PFKM: variants seen among roughly 807,000 people sequenced by gnomAD.
PFKM encodes phosphofructokinase, muscle, also known as ATP-dependent 6-phosphofructokinase, muscle type.
Under a neutral mutation model 95.5 loss-of-function variants are expected in PFKM, and 58 were observed. That is an observed-to-expected ratio of 0.61 (90% CI 0.49 to 0.76). The LOEUF (loss-of-function observed/expected upper bound fraction) is 0.76, where lower values mean the gene tolerates loss of function less well. PFKM is among the 30% of genes least tolerant of loss of function. PFKM has a pLI of 0.00. For synonymous variants in PFKM, 336 were observed against 357.2 expected, an observed-to-expected ratio of 0.94 and a Z score of 0.67; for missense variants, 678 against 1,005.4, an observed-to-expected ratio of 0.67 and a Z score of 4.40.
chr12:48,140,011 A>G, intron 13 of PFKM, 99 bp downstream of exon 13: 1 of 794,400 alleles, frequency 1.3e-6, no homozygotes, highest in Non-Finnish European at 2.2e-6. Context: ...AGCCTTGCCA[A>G]CTTCTCTGCC....
chr12:48,113,788 G>A (rs954520048), intron 3 of PFKM, among the ~76,000 whole-genome samples: 17 of 152,230 alleles, frequency 1.1e-4, no homozygotes, highest in African/African-American at 4.1e-4. Context: ...CCTTTTGTGG[G>A]GTTTGAGGAC....
At chr12:48,137,032 G>A (rs915275975) in intron 10 of PFKM, among the ~76,000 whole-genome samples, 13 of 149,928 alleles carry the variant, frequency 8.7e-5, no homozygotes, top group South Asian at 2.1e-4. Context: ...GGGATTACTG[G>A]CGTAAGCTAC....
At chr12:48,142,256 T>G in intron 17 of PFKM, 190 bp downstream of exon 17, 1 of 657,336 alleles carries the variant, frequency 1.5e-6, no homozygotes, top group Non-Finnish European at 2.7e-6. Flanking sequence ...GCAGATCACT[T>G]GGGGTCAGGA....
chr12:48,134,622 C>A (rs1949889333), intron 7 of PFKM, 99 bp from the exon 8 acceptor site: 1 of 927,944 alleles, frequency 1.1e-6, no homozygotes, highest in Non-Finnish European at 1.7e-6. Context: ...GCTCTCCAGA[C>A]CTTTTATCAA....
chr12:48,144,993 A>G, intron 20 of PFKM, 38 bp from the exon 21 acceptor site: 2 of 1,376,952 alleles, frequency 1.5e-6, no homozygotes, highest in Non-Finnish European at 2.1e-6. Flanking sequence ...ACTTCATTAG[A>G]GTCCTTCCCT....
intron 2 of PFKM, chr12:48,125,536 G>A (rs1028977238): frequency 2.9e-5 from 8 of 277,698 alleles, no homozygotes; most frequent in Non-Finnish European, 4.3e-5. Context: ...CAGGAGAATC[G>A]CTTGAACCCG....
At chr12:48,111,819 C>T (rs1363044046) in intron 3 of PFKM, among the ~76,000 whole-genome samples, 1 of 152,034 alleles carries the variant, frequency 6.6e-6, no homozygotes, top group Admixed American at 6.6e-5. Flanking sequence ...GGGCCAGGAA[C>T]AATGGTAATT....
At chr12:48,131,198 C>T in intron 3 of PFKM, 118 bp from the exon 4 acceptor site, 3 of 763,494 alleles carry the variant, frequency 3.9e-6, no homozygotes, top group Non-Finnish European at 7.2e-6. Flanking sequence ...GCATCCAGGA[C>T]TCACTAATGG....
In PFKM at chr12:48,143,791, T is replaced by C. The variant is rs762229855; in HGVS notation, c.1857T>C (p.Thr619=). 30 of 1,613,084 alleles carry C rather than the reference T, an allele frequency of 1.9e-5. No homozygotes were observed. Among genetic ancestry groups the C allele is most frequent in the African/African-American group, 2.7e-5 (2 of 74,882 alleles). ...VEHLVQKMKT[T]VKRGLVLRNE... ...ATCTGGTGCAAAAGATGAAAACAAC[T>C]GTGAAAAGGGGCTTGGTGTTAAGGT... Residue 619 remains threonine (T), a synonymous_variant, in exon 19 of 23, where the codon ACT becomes ACC. Transcript: ENST00000359794.
chr12:48,108,525 A>G (rs1017061939), intron 3 of PFKM, among the ~76,000 whole-genome samples: 1 of 152,218 alleles, frequency 6.6e-6, no homozygotes, highest in African/African-American at 2.4e-5. Flanking sequence ...GGTTTATCCT[A>G]TTGTCAGCAT....
At position 48,110,197 on chromosome 12, in the gene PFKM, A is replaced by C. The variant is rs1383780992; in HGVS notation, c.205+2003A>C. ...GGCAAAGAGAGAAGAGCTTTCCAGA[A>C]AAGGGGACAATAGGCTGTGAAACGG... On this transcript the variant is annotated intron_variant, in intron 3 of 24. Coordinates refer to the PFKM transcript ENST00000340802. 2.0e-5 allele frequency among the ~76,000 whole-genome samples: 3 copies of C among 152,188 alleles called. No individual in the cohort carries two copies. In the East Asian group the frequency reaches 5.8e-4, roughly 29 times the overall value.
At chr12:48,115,618 A>T (rs963120540), upstream of PFKM, among the ~76,000 whole-genome samples, 4 of 152,148 alleles carry the variant, frequency 2.6e-5, no homozygotes, top group African/African-American at 9.7e-5. Context: ...GGCCATCTGG[A>T]TGTATACGTG....
At chr12:48,141,563 T>C (rs1950575890) in intron 15 of PFKM, 177 bp from the exon 16 acceptor site, 1 of 760,430 alleles carries the variant, frequency 1.3e-6, no homozygotes, top group Non-Finnish European at 2.3e-6. Flanking sequence ...CTCTGGCAAC[T>C]TAGAGCTCCA....
Position 48,145,646 on chromosome 12 carries a change from A to G in PFKM, c.2281A>G (p.Thr761Ala). Residue 761 changes from threonine (T) to alanine (A), a missense_variant, in exon 23 of 23, where the codon ACT becomes GCT. By Grantham distance (58) the Thr-to-Ala change is moderately conservative. Transcript: ENST00000359794. The surrounding 1 kb of genome is among the most constrained non-coding windows in gnomAD (Gnocchi z 4.3). ...ILAKYEIDLD[T>A]SDHAHLEHIT... is the part of the protein sequence containing the mutation. ...AGCCAAGTACGAGATTGACTTGGAC[A>G]CTTCAGACCATGCCCACCTGGAGCA... 6.2e-7 allele frequency: 1 copy of G among 1,614,160 alleles called. No individual in the cohort carries two copies. The highest frequency in any genetic ancestry group is 1.1e-5 in the South Asian group (1 of 91,078).
intron 2 of PFKM, among the ~76,000 whole-genome samples, chr12:48,127,456 G>A (rs967741813): frequency 2.9e-4 from 44 of 152,252 alleles, no homozygotes; most frequent in African/African-American, 9.4e-4. Flanking sequence ...AGTGGACCAC[G>A]CTTTTACCCT....
intron 2 of PFKM, chr12:48,108,022 C>A (rs768372233): frequency 2.4e-5 from 38 of 1,591,232 alleles, no homozygotes; most frequent in Non-Finnish European, 3.2e-5. Flanking sequence ...AAGGAACACT[C>A]CCTTCCCAGA....
chr12:48,135,350 G>A lies in PFKM; in HGVS notation c.903G>A (p.Arg301=), dbSNP rs2135924903. The A allele has an allele frequency of 6.2e-7, 1 of 1,614,152 alleles. No homozygotes were observed. The highest frequency in any genetic ancestry group is 8.5e-7 in the Non-Finnish European group (1 of 1,179,972). Residue 301 remains arginine (R), a synonymous_variant, in exon 10 of 23, where the codon AGG becomes AGA. Transcript: ENST00000359794. ...TTACTGTCTTGGGGCATGTGCAGAG[G>A]GGTGGGACGCCATCAGCCTTTGACA... ...TRVTVLGHVQ[R]GGTPSAFDRI... is the part of the protein sequence containing the mutation.
At chr12:48,105,499 A>G (rs369722493), upstream of PFKM, 15 of 519,006 alleles carry the variant, frequency 2.9e-5, no homozygotes, top group African/African-American at 2.9e-4. Flanking sequence ...TGGTGGCACT[A>G]GCGATATCAC....
upstream of PFKM, chr12:48,105,860 G>C: frequency 1.7e-6 from 1 of 605,020 alleles, no homozygotes; most frequent in East Asian, 2.8e-5. Context: ...GACAGCAGGG[G>C]GGAGGGGAGG....
Sources: allele counts gnomAD v4.1 joint callset (sites outside exome capture counted in the v4.1 genomes callset), GRCh38; gene constraint gnomAD v4.1.1; non-coding constraint Gnocchi (gnomAD v3.1); transcripts MANE v1.5; gene names NCBI Gene and HGNC (gene_info 2026-07-23, HGNC 2026-07-21).